GALNTL6: variants seen among roughly 807,000 people sequenced by gnomAD.
GALNTL6 encodes polypeptide N-acetylgalactosaminyltransferase like 6.
A neutral mutation model predicts 73.7 loss-of-function variants in GALNTL6; 46 were observed. That is an observed-to-expected ratio of 0.62 (90% CI 0.49 to 0.80). GALNTL6 has a LOEUF of 0.80. Ranked by LOEUF, GALNTL6 falls within the 30% of genes least tolerant of loss-of-function variation. The pLI, the probability that GALNTL6 is intolerant of heterozygous loss-of-function variation, is 0.00. For missense variants in GALNTL6, 604 were observed against 755.0 expected, an observed-to-expected ratio of 0.80 and a Z score of 2.34; for synonymous variants, 259 against 263.7, an observed-to-expected ratio of 0.98 and a Z score of 0.17.
At chr4:172,347,889 G>A (rs2111214320) in intron 4 of GALNTL6, among the ~76,000 whole-genome samples, 1 of 152,138 alleles carries the variant, frequency 6.6e-6, no homozygotes, top group South Asian at 2.1e-4. Context: ...TTCCAACAAT[G>A]AAAAAAATGA....
At chr4:171,830,386 G>C (rs2110822953) in intron 2 of GALNTL6, among the ~76,000 whole-genome samples, 1 of 152,182 alleles carries the variant, frequency 6.6e-6, no homozygotes, top group African/African-American at 2.4e-5. Flanking sequence ...TTTACTTAGA[G>C]TGCTTAGCAT....
chr4:172,778,240 A>T (rs1162205397), intron 5 of GALNTL6, among the ~76,000 whole-genome samples: 2 of 152,238 alleles, frequency 1.3e-5, no homozygotes, highest in Non-Finnish European at 2.9e-5. Flanking sequence ...ACACAGTTTT[A>T]ACAAACTGCC....
chr4:172,844,941 C>T (rs775698789), intron 7 of GALNTL6, among the ~76,000 whole-genome samples: 11 of 152,158 alleles, frequency 7.2e-5, no homozygotes, highest in Non-Finnish European at 1.2e-4. Flanking sequence ...TCTGGCTGGG[C>T]GCGGTGGCTC....
At chr4:172,472,590 T>C (rs1037075582) in intron 5 of GALNTL6, among the ~76,000 whole-genome samples, 1 of 152,168 alleles carries the variant, frequency 6.6e-6, no homozygotes, top group Non-Finnish European at 1.5e-5. Flanking sequence ...GATAAGGTCA[T>C]ACTGGAGTAG....
rs200893736 is a variant in GALNTL6 at position 171,955,366 on chromosome 4, ATATC to A, written c.138+140664_138+140667del. ...ATAAAATATATAATACGAATGAAAT[ATATC>A]TATCTATCTATCTATATATATATAT... On this transcript the variant is annotated intron_variant, in intron 2 of 12. Transcript: ENST00000506823. 5.1e-3 allele frequency among the ~76,000 whole-genome samples: 707 copies of A among 139,612 alleles called. 4 individuals carry two copies. The highest frequency in any genetic ancestry group is 0.017 in the African/African-American group (663 of 39,532). 91.6% of individuals were successfully genotyped at this position (139,612 alleles called of 152,430 possible).
At chr4:172,850,192 C>G (rs1408701231) in intron 7 of GALNTL6, among the ~76,000 whole-genome samples, 3 of 152,128 alleles carry the variant, frequency 2.0e-5, no homozygotes, top group Non-Finnish European at 2.9e-5. Context: ...TACTGTGAGT[C>G]TCCTTGGCAT....
At chr4:173,022,593 T>A (rs1254611731) in intron 12 of GALNTL6, among the ~76,000 whole-genome samples, 1 of 152,238 alleles carries the variant, frequency 6.6e-6, no homozygotes, top group Non-Finnish European at 1.5e-5. Flanking sequence ...AAGACAATGA[T>A]GTTTACACAA....
intron 10 of GALNTL6, among the ~76,000 whole-genome samples, chr4:172,984,811 C>T (rs2126441650): frequency 6.6e-6 from 1 of 152,120 alleles, no homozygotes; most frequent in South Asian, 2.1e-4. Context: ...AAAATTCTTT[C>T]AAAAACACTG....
intron 5 of GALNTL6, among the ~76,000 whole-genome samples, chr4:172,712,449 CA>C (rs796927675): frequency 4.1e-4 from 62 of 152,216 alleles, no homozygotes; most frequent in African/African-American, 1.5e-3. Context: ...CCACTCCCCC[CA>C]CCTCACAACA....
intron 2 of GALNTL6, among the ~76,000 whole-genome samples, chr4:171,861,327 G>A (rs995789875): frequency 6.6e-6 from 1 of 152,082 alleles, no homozygotes; most frequent in African/African-American, 2.4e-5. Flanking sequence ...ACTACAGGAA[G>A]GCCAGTCCAG....
chr4:172,567,180 A>AT (rs112128354), intron 5 of GALNTL6, among the ~76,000 whole-genome samples: 2,968 of 150,124 alleles, frequency 0.02, 79 homozygotes, highest in African/African-American at 0.066. Flanking sequence ...ACTCATTAGT[A>AT]TTTTTTTTTT....
intron 2 of GALNTL6, among the ~76,000 whole-genome samples, chr4:172,035,837 T>A (rs1231583412): frequency 6.6e-6 from 1 of 152,156 alleles, no homozygotes; most frequent in African/African-American, 2.4e-5. Context: ...AATGACTTCA[T>A]CAGGAAAGAA....
intron 5 of GALNTL6, among the ~76,000 whole-genome samples, chr4:172,756,337 T>C (rs188007343): frequency 2.0e-4 from 31 of 152,290 alleles, no homozygotes; most frequent in African/African-American, 6.5e-4. Context: ...GATTTGTCCA[T>C]TGCAAGCATA....
chr4:172,461,330 GT>G (rs1226320744), intron 5 of GALNTL6, among the ~76,000 whole-genome samples: 4 of 152,114 alleles, frequency 2.6e-5, no homozygotes, highest in African/African-American at 9.7e-5. Context: ...AAACCTGCAT[GT>G]TCTTCACATG....
intron 4 of GALNTL6, among the ~76,000 whole-genome samples, chr4:172,343,569 A>C (rs570605850): frequency 1.3e-5 from 2 of 152,302 alleles, no homozygotes; most frequent in African/African-American, 4.8e-5. Context: ...AAAAAAGATA[A>C]ATTAGTGTAA....
At chr4:172,782,840 AAAG>A (rs1739443951) in intron 5 of GALNTL6, among the ~76,000 whole-genome samples, 1 of 152,078 alleles carries the variant, frequency 6.6e-6, no homozygotes, top group Admixed American at 6.6e-5. Flanking sequence ...GCTTAATGAG[AAAG>A]AAGAGTAGCA....
At chr4:171,871,288 G>C (rs1158491304) in intron 2 of GALNTL6, among the ~76,000 whole-genome samples, 1 of 151,986 alleles carries the variant, frequency 6.6e-6, no homozygotes, top group Non-Finnish European at 1.5e-5. Flanking sequence ...CATAGTAACA[G>C]ACTAACAATT....
At chr4:172,861,319 ATGTG>A (rs10664817) in intron 7 of GALNTL6, among the ~76,000 whole-genome samples, 74 of 146,386 alleles carry the variant, frequency 5.1e-4, no homozygotes, top group African/African-American at 1.9e-3. Context: ...TTTTGCTTAC[ATGTG>A]TGTGTGTGTG....
At chr4:172,000,062 T>A (rs891060149) in intron 2 of GALNTL6, among the ~76,000 whole-genome samples, 1 of 152,154 alleles carries the variant, frequency 6.6e-6, no homozygotes, top group African/African-American at 2.4e-5. Flanking sequence ...ATACGGAGTA[T>A]GAGTGTTTAG....
Sources: allele counts gnomAD v4.1 joint callset (sites outside exome capture counted in the v4.1 genomes callset), GRCh38; gene constraint gnomAD v4.1.1; transcripts MANE v1.5; gene names NCBI Gene and HGNC (gene_info 2026-07-23, HGNC 2026-07-21).